The following PLEKHM2 variants were observed in gnomAD, a reference collection of about 807,000 sequenced individuals.
PLEKHM2 encodes the protein pleckstrin homology and RUN domain containing M2, also known as pleckstrin homology domain-containing family M member 2.
Under a neutral mutation model 116.3 loss-of-function variants are expected in PLEKHM2, and 77 were observed. The observed-to-expected ratio is 0.66, with a 90% CI of 0.55 to 0.80. PLEKHM2 has a LOEUF of 0.80. Ranked by LOEUF, PLEKHM2 falls within the 30% of genes least tolerant of loss-of-function variation. The probability of loss-of-function intolerance (pLI) is 0.00; values close to 1 mark genes in which losing one functional copy is unlikely to be tolerated. For synonymous variants in PLEKHM2, 562 were observed against 571.0 expected (o/e 0.98, Z 0.22); for missense variants, 1,183 against 1,354.9 (o/e 0.87, Z 1.99).
At position 15,728,035 on chromosome 1, in the gene PLEKHM2, C is replaced by A; in HGVS notation, c.1761-44C>A. 2 of 1,521,364 alleles carry A rather than the reference C, an allele frequency of 1.3e-6. No individual in the cohort carries two copies. Among genetic ancestry groups the A allele is most frequent in the Non-Finnish European group, 9.0e-7 (1 of 1,107,680 alleles). The allele number at this position is 1,521,364 out of a possible 1,614,324, so 94.2% of individuals were successfully genotyped here. ...TGGGGTGGGGTGTGGCCTCTCTCAC[C>A]GCTGCCTGCCTGACATCTCGCCCTC... On this transcript the variant is annotated intron_variant, in intron 9 of 19. Coordinates refer to ENST00000375799, the MANE Select transcript of PLEKHM2 (RefSeq NM_015164.4). This position sits in a 1 kb window ranked among gnomAD's most constrained non-coding sequence, Gnocchi z 5.9.
intron 1 of PLEKHM2, among the ~76,000 whole-genome samples, chr1:15,685,007 G>A (rs545557148): frequency 1.9e-4 from 29 of 152,336 alleles, no homozygotes; most frequent in South Asian, 6.2e-4. Context: ...GGCTGGCGTC[G>A]CCCAGGGTCT....
rs1376700272 is a variant in PLEKHM2 at position 15,719,144 on chromosome 1, G to A, written c.465+519G>A. ...GGCTCAAAATGGATGCAGCTGCCCC[G>A]TCCTAATCAAATGACCTTCCTTGGG... On this transcript the variant is annotated intron_variant, in intron 5 of 19. Coordinates refer to ENST00000375799, the MANE Select transcript of PLEKHM2 (RefSeq NM_015164.4). This position sits in a 1 kb window ranked among gnomAD's most constrained non-coding sequence, Gnocchi z 4.1. Among the ~76,000 whole-genome samples, 3 of 152,088 alleles carry A rather than the reference G, an allele frequency of 2.0e-5. No individual in the cohort carries two copies. Among genetic ancestry groups the A allele is most frequent in the East Asian group, 1.9e-4 (1 of 5,178 alleles).
chr1:15,715,573 G>T (rs867278735), intron 1 of PLEKHM2, among the ~76,000 whole-genome samples: 5 of 150,718 alleles, frequency 3.3e-5, no homozygotes, highest in Non-Finnish European at 7.4e-5. Context: ...CCCAGGAGGC[G>T]GAGGCTGCAG....
chr1:15,687,108 A>G (rs1640788976), intron 1 of PLEKHM2, among the ~76,000 whole-genome samples: 1 of 144,882 alleles, frequency 6.9e-6, no homozygotes, highest in African/African-American at 2.6e-5. Flanking sequence ...TTTTTTGTAG[A>G]GATGGGATTT....
Position 15,729,330 on chromosome 1 carries a change from C to A in PLEKHM2, c.2075+140C>A. The A allele has an allele frequency of 1.4e-6, 1 of 728,194 alleles. No homozygotes were observed. Among genetic ancestry groups the A allele is most frequent in the South Asian group, 1.6e-5 (1 of 61,786 alleles). 45.1% of individuals were successfully genotyped at this position (728,194 alleles called of 1,614,324 possible). On this transcript the variant is annotated intron_variant, in intron 13 of 19. Coordinates refer to ENST00000375799, the MANE Select transcript of PLEKHM2 (RefSeq NM_015164.4). The surrounding 1 kb of genome is among the most constrained non-coding windows in gnomAD (Gnocchi z 4.7). ...CCAGATGTATTCCCTCTGGAACCTGCATCTGCTCAGAGAGGCAGGCAAGTA... is the reference window on the plus strand; with the variant it reads ...CCAGATGTATTCCCTCTGGAACCTGAATCTGCTCAGAGAGGCAGGCAAGTA...
intron 1 of PLEKHM2, among the ~76,000 whole-genome samples, chr1:15,701,239 C>G (rs2148341096): frequency 6.6e-6 from 1 of 151,490 alleles, no homozygotes; most frequent in South Asian, 2.1e-4. Flanking sequence ...TGAGACCAGC[C>G]TGACCAATAT....
intron 2 of PLEKHM2, 24 bp downstream of exon 2, chr1:15,716,367 G>A (rs2148357312): frequency 6.9e-7 from 1 of 1,458,446 alleles, no homozygotes; most frequent in Non-Finnish European, 9.5e-7. Flanking sequence ...AGTTTCCAAA[G>A]ATGACGGAGC....
intron 1 of PLEKHM2, among the ~76,000 whole-genome samples, chr1:15,691,430 A>G (rs1041424969): frequency 6.6e-6 from 1 of 152,254 alleles, no homozygotes; most frequent in Non-Finnish European, 1.5e-5. Flanking sequence ...TCAGAAGTAC[A>G]TAAAATGAAA....
chr1:15,715,602 C>T (rs1179068054), intron 1 of PLEKHM2, among the ~76,000 whole-genome samples: 1 of 152,216 alleles, frequency 6.6e-6, no homozygotes, highest in Non-Finnish European at 1.5e-5. Context: ...GATCATGCCA[C>T]TGCCCTCCAG....
intron 18 of PLEKHM2, 24 bp downstream of exon 18, chr1:15,732,553 C>A: frequency 6.2e-7 from 1 of 1,605,170 alleles, no homozygotes; most frequent in East Asian, 2.2e-5. Flanking sequence ...GGGGGCGGGG[C>A]TGCAAGGCCT....
upstream of PLEKHM2, among the ~76,000 whole-genome samples, chr1:15,682,025 C>A (rs1006130407): frequency 6.6e-6 from 1 of 151,848 alleles, no homozygotes; most frequent in East Asian, 1.9e-4. Context: ...GGTAACAGAG[C>A]GAGGCCCTGT....
At chr1:15,683,585 G>T (rs1640691093), upstream of PLEKHM2, among the ~76,000 whole-genome samples, 1 of 150,006 alleles carries the variant, frequency 6.7e-6, no homozygotes, top group Non-Finnish European at 1.5e-5. Flanking sequence ...GGGGTTTTGT[G>T]GGGGGATCCT....
At chr1:15,714,591 C>T (rs1396999314) in intron 1 of PLEKHM2, among the ~76,000 whole-genome samples, 1 of 151,970 alleles carries the variant, frequency 6.6e-6, no homozygotes, top group African/African-American at 2.4e-5. Context: ...AGGCTTGTTC[C>T]GGGCTGCAGA....
upstream of PLEKHM2, among the ~76,000 whole-genome samples, chr1:15,682,688 G>A (rs896924989): frequency 4.6e-5 from 7 of 151,954 alleles, no homozygotes; most frequent in Non-Finnish European, 1.0e-4. Context: ...GTCTCTCCTT[G>A]GGAAACTAAG....
At chr1:15,715,637 T>C (rs1641429280) in intron 1 of PLEKHM2, among the ~76,000 whole-genome samples, 1 of 152,084 alleles carries the variant, frequency 6.6e-6, no homozygotes. Flanking sequence ...CAAGACTTTG[T>C]CTCAATAAAA....
chr1:15,709,914 G>T (rs1035734382), intron 1 of PLEKHM2, among the ~76,000 whole-genome samples: 1 of 152,076 alleles, frequency 6.6e-6, no homozygotes, highest in African/African-American at 2.4e-5. Context: ...TCCTCCAAAT[G>T]ATCTCTGGAT....
At position 15,727,994 on chromosome 1, in the gene PLEKHM2, C is replaced by G; in HGVS notation, c.1761-85C>G. 1 of 1,270,778 alleles carries G rather than the reference C, an allele frequency of 7.9e-7. No individual in the cohort carries two copies. The highest frequency in any genetic ancestry group is 1.1e-6 in the Non-Finnish European group (1 of 889,258). 78.7% of individuals were successfully genotyped at this position (1,270,778 alleles called of 1,614,324 possible). A position where few individuals can be genotyped will look rare whatever the true frequency, so the allele number is the denominator to read the frequency against. The stretch of plus-strand genomic sequence containing the variant: ...TTTGGCTCCTAGTGGGAGGCGGAGG[C>G]ACTACCCCCTGGCTCTGGGGTGGGG... On this transcript the variant is annotated intron_variant, in intron 9 of 19. Coordinates refer to ENST00000375799, the MANE Select transcript of PLEKHM2 (RefSeq NM_015164.4). This position sits in a 1 kb window ranked among gnomAD's most constrained non-coding sequence, Gnocchi z 7.5.
intron 17 of PLEKHM2, 53 bp from the exon 18 acceptor site, chr1:15,732,297 G>A: frequency 1.4e-6 from 2 of 1,430,532 alleles, no homozygotes; most frequent in Non-Finnish European, 9.5e-7. Flanking sequence ...TGGACTTCTG[G>A]TGCAGACCAG....
At chr1:15,686,630 G>T (rs1357603143) in intron 1 of PLEKHM2, among the ~76,000 whole-genome samples, 2 of 147,246 alleles carry the variant, frequency 1.4e-5, no homozygotes, top group African/African-American at 2.6e-5. Flanking sequence ...ACAGGTGTGC[G>T]CCACCACACC....
Sources: allele counts gnomAD v4.1 joint callset (sites outside exome capture counted in the v4.1 genomes callset), GRCh38; gene constraint gnomAD v4.1.1; non-coding constraint Gnocchi (gnomAD v3.1); transcripts MANE v1.5; gene names NCBI Gene and HGNC (gene_info 2026-07-23, HGNC 2026-07-21).